SFTPD: variants seen among roughly 807,000 people sequenced by gnomAD.
The protein encoded by SFTPD is pulmonary surfactant-associated protein D.
SFTPD carries 18 observed loss-of-function variants against 34.6 expected under a neutral mutation model. The ratio of observed to expected loss-of-function variants is 0.52; its 90% CI spans 0.36 to 0.77. SFTPD has a LOEUF of 0.77. Ranked by LOEUF, SFTPD falls within the 30% of genes least tolerant of loss-of-function variation. The pLI, the probability that SFTPD is intolerant of heterozygous loss-of-function variation, is 0.00. For missense variants in SFTPD, 433 were observed against 468.9 expected (o/e 0.92, Z 0.71); for synonymous variants, 155 against 180.9 (o/e 0.86, Z 1.15).
intron 1 of SFTPD, chr10:79,982,098 C>A: frequency 3.3e-6 from 1 of 303,474 alleles, no homozygotes; most frequent in Non-Finnish European, 6.0e-6. Flanking sequence ...CTTGGCCCTG[C>A]CCTCTAGCTC....
At chr10:79,943,024 A>G in intron 2 of SFTPD, 145 bp from the exon 3 acceptor site, 1 of 614,244 alleles carries the variant, frequency 1.6e-6, no homozygotes, top group Non-Finnish European at 2.9e-6. Flanking sequence ...GTGGTGATCC[A>G]GGAAATGGGT....
At chr10:79,966,735 T>C (rs922160909) in intron 1 of SFTPD, among the ~76,000 whole-genome samples, 1 of 144,828 alleles carries the variant, frequency 6.9e-6, no homozygotes, top group Admixed American at 6.8e-5. Context: ...TTTAAATCTT[T>C]AATCCATCTT....
intron 2 of SFTPD, among the ~76,000 whole-genome samples, chr10:79,944,814 G>A (rs1842649771): frequency 6.6e-6 from 1 of 152,076 alleles, no homozygotes. Context: ...TGTCACCAGA[G>A]TGACTCAAGC....
intron 1 of SFTPD, chr10:79,973,287 A>G (rs1159105170): frequency 6.6e-6 from 1 of 152,022 alleles, no homozygotes; most frequent in Non-Finnish European, 1.5e-5. Flanking sequence ...TACATCATGG[A>G]TCTTCAAGCT....
chr10:79,942,873 G>A lies in SFTPD; in HGVS notation c.206C>T (p.Pro69Leu). 2 of 1,610,990 alleles carry A rather than the reference G, an allele frequency of 1.2e-6. No homozygotes were observed. Among genetic ancestry groups the A allele is most frequent in the East Asian group, 2.2e-5 (1 of 44,866 alleles). Residue 69 changes from proline to leucine, a missense_variant, in exon 3 of 8, where the codon CCA (proline) becomes CTA (leucine). Pro to Leu is a moderately conservative substitution (Grantham distance 98, BLOSUM62 -3). Transcript: ENST00000372292. ...CATCCCTGCTTGCCCTGCAGCTCCTGGCAAACCTGTAGCAGCAGAAGAAAT... is the reference window on the plus strand; with the variant it reads ...CATCCCTGCTTGCCCTGCAGCTCCTAGCAAACCTGTAGCAGCAGAAGAAAT... ...PRGEKGDPGL[P>L]GAAGQAGMPG...
At chr10:79,943,861 C>T (rs898981773) in intron 2 of SFTPD, among the ~76,000 whole-genome samples, 2 of 152,196 alleles carry the variant, frequency 1.3e-5, no homozygotes, top group Non-Finnish European at 2.9e-5. Context: ...GCCCTGACCC[C>T]ATGTGGAGCC....
intron 1 of SFTPD, among the ~76,000 whole-genome samples, chr10:79,948,157 T>G (rs549287134): frequency 3.9e-5 from 6 of 152,338 alleles, no homozygotes; most frequent in African/African-American, 1.4e-4. Flanking sequence ...GTGAGCTCAC[T>G]GCCAGCAGCG....
chr10:79,956,590 G>T (rs1300848173), intron 1 of SFTPD, among the ~76,000 whole-genome samples: 2 of 152,282 alleles, frequency 1.3e-5, no homozygotes, highest in African/African-American at 2.4e-5. Flanking sequence ...CAAGGTGGCA[G>T]TGAGGCTGGG....
chr10:79,938,076 G>A lies in SFTPD; in HGVS notation c.904C>T (p.Gln302Ter). 6.2e-7 allele frequency: 1 copy of A among 1,614,184 alleles called. No homozygotes were observed. Among genetic ancestry groups the A allele is most frequent in the Non-Finnish European group, 8.5e-7 (1 of 1,180,020 alleles). Residue 302 changes from glutamine to a stop codon, truncating the protein, a stop_gained, in exon 8 of 8, where the codon CAG becomes TAG. Coordinates refer to ENST00000372292, the MANE Select transcript of SFTPD (RefSeq NM_003019.5). LOFTEE classifies it high-confidence loss of function. ...RSAAENAALQ[Q>*]LVVAKNEAAF... ...GCCTCGTTCTTAGCTACGACCAGCT[G>A]TTGCAAGGCGGCATTCTCAGCGGCA... is the stretch of plus-strand genomic sequence containing the variant.
chr10:79,942,201 T>C, intron 4 of SFTPD, 131 bp from the exon 5 acceptor site: 2 of 771,936 alleles, frequency 2.6e-6, no homozygotes, highest in South Asian at 1.6e-5. Context: ...CCTTGCTTTC[T>C]GGGGCTCCTC....
At chr10:79,979,230 AT>A (rs1477244737) in intron 1 of SFTPD, among the ~76,000 whole-genome samples, 2 of 152,236 alleles carry the variant, frequency 1.3e-5, no homozygotes, top group Non-Finnish European at 2.9e-5. Context: ...TAAAACATTG[AT>A]AAAAAATTGA....
intron 1 of SFTPD, chr10:79,981,935 T>C (rs1842893053): frequency 3.3e-6 from 1 of 305,132 alleles, no homozygotes; most frequent in Non-Finnish European, 6.2e-6. Flanking sequence ...CCGAGACCCC[T>C]TCCTCTCCAC....
chr10:79,945,559 T>A (rs937192153), intron 2 of SFTPD, among the ~76,000 whole-genome samples: 1 of 152,196 alleles, frequency 6.6e-6, no homozygotes, highest in Non-Finnish European at 1.5e-5. Flanking sequence ...CCTAGATCTT[T>A]CCCTACAAGC....
intron 4 of SFTPD, 81 bp downstream of exon 4, chr10:79,942,307 C>G: frequency 1.0e-6 from 1 of 990,404 alleles, no homozygotes; most frequent in Non-Finnish European, 1.6e-6. Context: ...CCCTGGCACT[C>G]TGAGCACGCC....
chr10:79,952,458 C>A (rs1842715650), upstream of SFTPD, among the ~76,000 whole-genome samples: 1 of 152,218 alleles, frequency 6.6e-6, no homozygotes. Flanking sequence ...GACCCCAGAA[C>A]CATGCCTGTG....
chr10:79,973,288 T>C (rs1410372482), intron 1 of SFTPD: 3 of 152,132 alleles, frequency 2.0e-5, no homozygotes, highest in African/African-American at 7.2e-5. Context: ...ACATCATGGA[T>C]CTTCAAGCTG....
chr10:79,949,097 A>C lies in SFTPD; in HGVS notation c.-35T>G, dbSNP rs1447309350. ...CTTTTTGTTAGGCCCCAGGAGCTCCAAGCAAACTAGCCTTTGCTTGGCAGG... is the reference window on the plus strand; with the variant it reads ...CTTTTTGTTAGGCCCCAGGAGCTCCCAGCAAACTAGCCTTTGCTTGGCAGG... On this transcript the variant is annotated 5_prime_UTR_variant, in exon 1 of 8. Transcript: ENST00000372292. 9 of 152,320 alleles carry C rather than the reference A, an allele frequency of 5.9e-5. No homozygotes were observed. The East Asian group carries it at 1.7e-3, about 29-fold the overall frequency. The allele number at this position is 152,320 out of a possible 1,614,324, so 9.4% of individuals were successfully genotyped here.
intron 2 of SFTPD, among the ~76,000 whole-genome samples, chr10:79,943,111 C>T (rs1842630629): frequency 6.6e-6 from 1 of 152,126 alleles, no homozygotes; most frequent in Non-Finnish European, 1.5e-5. Context: ...CCTGCCTGAC[C>T]TTCTATGCGG....
At position 79,941,838 on chromosome 10, in the gene SFTPD, G is replaced by T. The variant is rs1842615126; in HGVS notation, c.550+116C>A. 8.0e-6 allele frequency: 6 copies of T among 748,202 alleles called. No individual in the cohort carries two copies. In the South Asian group the frequency reaches 9.5e-5, roughly 12 times the overall value. The allele number at this position is 748,202 out of a possible 1,614,324, so 46.3% of individuals were successfully genotyped here. On this transcript the variant is annotated intron_variant, in intron 5 of 7. Transcript: ENST00000372292. ...CTTCTTGGATACAGATTCTCTCCAT[G>T]TTCCAGCGATACCACCTCTGCCTTT...
Sources: gnomAD v4.1 joint callset for allele counts (sites outside exome capture counted in the v4.1 genomes callset) on GRCh38, gnomAD v4.1.1 for gene constraint, MANE v1.5 for transcripts, NCBI Gene and HGNC (gene_info 2026-07-23, HGNC 2026-07-21) for gene names.